NDUFAF6: variants seen among roughly 807,000 people sequenced by gnomAD.
NDUFAF6 encodes NADH dehydrogenase (ubiquinone) complex I, assembly factor 6.
Under a neutral mutation model 40.8 loss-of-function variants are expected in NDUFAF6, and 45 were observed. The observed-to-expected ratio is 1.10, with a 90% CI of 0.87 to 1.42. NDUFAF6 has a LOEUF of 1.42. NDUFAF6 is among the 40% of genes most tolerant of loss of function. NDUFAF6 has a pLI of 0.00. For missense variants in NDUFAF6, 435 were observed against 418.5 expected (o/e 1.04, Z -0.34); for synonymous variants, 185 against 155.9 (o/e 1.19, Z -1.39).
upstream of NDUFAF6, among the ~76,000 whole-genome samples, chr8:95,096,052 A>G (rs915986140): frequency 6.6e-6 from 1 of 152,176 alleles, no homozygotes; most frequent in African/African-American, 2.4e-5. Context: ...TTTTAAGTTT[A>G]TACATCATTT....
chr8:94,967,707 G>T (rs112143008), intron 1 of NDUFAF6, among the ~76,000 whole-genome samples: 1 of 151,946 alleles, frequency 6.6e-6, no homozygotes, highest in Admixed American at 6.6e-5. Flanking sequence ...TTGGGAGGCC[G>T]AGGTGGGTGG....
chr8:95,107,446 G>A (rs1809872197), downstream of NDUFAF6, among the ~76,000 whole-genome samples: 1 of 152,144 alleles, frequency 6.6e-6, no homozygotes, highest in Non-Finnish European at 1.5e-5. Context: ...CATGGACACA[G>A]GGAGGGGAAC....
intron 2 of NDUFAF6, among the ~76,000 whole-genome samples, chr8:95,092,183 A>ATTTT (rs10689536): frequency 4.9e-5 from 7 of 142,530 alleles, no homozygotes; most frequent in African/African-American, 7.8e-5. Context: ...CTTTGACACA[A>ATTTT]TTTTTTTTTT....
intron 1 of NDUFAF6, among the ~76,000 whole-genome samples, chr8:95,025,637 T>A (rs545530831): frequency 2.0e-5 from 3 of 152,288 alleles, no homozygotes; most frequent in South Asian, 4.1e-4. Flanking sequence ...GACCTATCAT[T>A]TAAGGTTGTG....
chr8:94,964,931 C>T (rs928545723), intron 1 of NDUFAF6, among the ~76,000 whole-genome samples: 14 of 152,192 alleles, frequency 9.2e-5, no homozygotes, highest in East Asian at 1.9e-4. Flanking sequence ...CACTGATGGG[C>T]GCCAGAGATG....
At chr8:94,904,336 T>C (rs1395260564) in intron 1 of NDUFAF6, among the ~76,000 whole-genome samples, 15 of 75,742 alleles carry the variant, frequency 2.0e-4, no homozygotes, top group African/African-American at 7.1e-4. Flanking sequence ...TTTTTTTTTT[T>C]TTTTTTTTTT....
downstream of NDUFAF6, among the ~76,000 whole-genome samples, chr8:95,062,288 G>A (rs2132015834): frequency 6.6e-6 from 1 of 152,246 alleles, no homozygotes; most frequent in South Asian, 2.1e-4. Context: ...TGTAAAATAG[G>A]CAAAATCATA....
intron 2 of NDUFAF6, among the ~76,000 whole-genome samples, chr8:95,083,028 G>A (rs1214296781): frequency 5.9e-5 from 9 of 152,162 alleles, no homozygotes; most frequent in East Asian, 5.8e-4. Flanking sequence ...CAGTCCTCCC[G>A]TCTCAGCCTC....
At chr8:95,066,310 T>TTTTTTTA (rs1832703164) in intron 9 of NDUFAF6, among the ~76,000 whole-genome samples, 1 of 94,260 alleles carries the variant, frequency 1.1e-5, no homozygotes, top group African/African-American at 3.7e-5. Context: ...TTTTTTTTTT[T>TTTTTTTA]GAGAGACAGG....
intron 8 of NDUFAF6, 28 bp downstream of exon 8, chr8:95,052,258 T>C: frequency 3.7e-6 from 6 of 1,604,062 alleles, no homozygotes; most frequent in Non-Finnish European, 5.1e-6. Flanking sequence ...GAAGGCTGTA[T>C]AATTAGTGAA....
intron 1 of NDUFAF6, among the ~76,000 whole-genome samples, chr8:94,925,296 A>G (rs1819793008): frequency 3.3e-5 from 5 of 152,208 alleles, no homozygotes. Flanking sequence ...TATTGAAACT[A>G]GAGCTCCACA....
At chr8:94,992,601 C>T (rs1826244846) in intron 2 of NDUFAF6, among the ~76,000 whole-genome samples, 1 of 152,146 alleles carries the variant, frequency 6.6e-6, no homozygotes, top group Non-Finnish European at 1.5e-5. Context: ...TCCCTTCAAC[C>T]AGTCCCAGTC....
At chr8:94,929,599 A>G (rs1002464887) in intron 1 of NDUFAF6, 1 of 152,178 alleles carries the variant, frequency 6.6e-6, no homozygotes, top group Admixed American at 6.5e-5. Context: ...AGAGAGAAAT[A>G]TGAAGTCACT....
intron 1 of NDUFAF6, among the ~76,000 whole-genome samples, chr8:94,973,639 T>C (rs545841650): frequency 7.6e-4 from 111 of 146,670 alleles, no homozygotes; most frequent in African/African-American, 2.8e-3. Flanking sequence ...ACCTGGGAGG[T>C]GGAGGTTGCA....
At chr8:94,995,129 A>G (rs1170980861) in intron 2 of NDUFAF6, among the ~76,000 whole-genome samples, 3 of 152,228 alleles carry the variant, frequency 2.0e-5, no homozygotes, top group Non-Finnish European at 4.4e-5. Context: ...ATACAGTGGA[A>G]TATTATGCAG....
At chr8:94,986,889 T>C (rs1201457785) in intron 2 of NDUFAF6, among the ~76,000 whole-genome samples, 4 of 152,236 alleles carry the variant, frequency 2.6e-5, no homozygotes, top group Admixed American at 1.3e-4. Context: ...TATTTAAAAA[T>C]TGAGGCTCTA....
chr8:95,047,493 G>GTTTTC (rs1421320624), intron 6 of NDUFAF6, among the ~76,000 whole-genome samples: 1 of 140,120 alleles, frequency 7.1e-6, no homozygotes, highest in African/African-American at 2.6e-5. Context: ...TGAGGACTTT[G>GTTTTC]TTTTCTTTTC....
chr8:94,930,555 C>T (rs373547055), intron 1 of NDUFAF6: 1 of 1,614,110 alleles, frequency 6.2e-7, no homozygotes, highest in African/African-American at 1.3e-5. Flanking sequence ...GTGGCAATCC[C>T]TGGTAAGATT....
intron 2 of NDUFAF6, among the ~76,000 whole-genome samples, chr8:95,012,163 A>T (rs1827251229): frequency 6.6e-6 from 1 of 152,102 alleles, no homozygotes; most frequent in Admixed American, 6.6e-5. Flanking sequence ...TTTTATTTTA[A>T]TTTGCATTTC....
Sources: gnomAD v4.1 joint callset for allele counts (sites outside exome capture counted in the v4.1 genomes callset) on GRCh38, gnomAD v4.1.1 for gene constraint, MANE v1.5 for transcripts, NCBI Gene and HGNC (gene_info 2026-07-23, HGNC 2026-07-21) for gene names.